Variants in PRKAG2 observed in about 807,000 individuals in gnomAD.
PRKAG2 encodes protein kinase AMP-activated non-catalytic subunit gamma 2, also known as 5'-AMP-activated protein kinase subunit gamma-2.
Under a neutral mutation model 69.6 loss-of-function variants are expected in PRKAG2, and 26 were observed. That is an observed-to-expected ratio of 0.37 (90% CI 0.27 to 0.52). The LOEUF is 0.52. Among genes scored for constraint, PRKAG2 ranks in the 20% least tolerant of loss-of-function variants. PRKAG2 has a pLI of 0.90. For missense variants in PRKAG2, 557 were observed against 740.0 expected, an observed-to-expected ratio of 0.75 and a Z score of 2.87; for synonymous variants, 293 against 285.0, an observed-to-expected ratio of 1.03 and a Z score of -0.28.
rs1804515056 is a variant in PRKAG2, at chr7:151,559,821, G to C, written c.1678+703C>G. The C allele has an allele frequency of 1.2e-5, 12 of 985,216 alleles. No individual in the cohort carries two copies. The South Asian group carries it at 5.2e-4, about 42-fold the overall frequency. 61.0% of individuals were successfully genotyped at this position (985,216 alleles called of 1,614,324 possible). ...AGGCTGGGTTGTTCATATTTGACTG[G>C]GGCTGGGGAGGTGGAGGGATGGGAA... On this transcript the variant is annotated intron_variant, in intron 15 of 15. Coordinates refer to ENST00000287878, the MANE Select transcript of PRKAG2 (RefSeq NM_016203.4).
chr7:151,629,957 A>T (rs1411252002), intron 5 of PRKAG2, among the ~76,000 whole-genome samples: 3 of 152,238 alleles, frequency 2.0e-5, no homozygotes, highest in African/African-American at 7.2e-5. Context: ...TGGATGAATA[A>T]GCAATTTAAA....
At chr7:151,671,672 CAG>C (rs1340468753) in intron 4 of PRKAG2, among the ~76,000 whole-genome samples, 1 of 152,212 alleles carries the variant, frequency 6.6e-6, no homozygotes, top group African/African-American at 2.4e-5. Flanking sequence ...TATTTGGAAG[CAG>C]AGTCTTTGCT....
intron 3 of PRKAG2, among the ~76,000 whole-genome samples, chr7:151,703,251 A>C (rs888158607): frequency 6.6e-6 from 1 of 152,368 alleles, no homozygotes; most frequent in Admixed American, 6.5e-5. Flanking sequence ...GGCACCCTGC[A>C]AAGGACTGCG....
chr7:151,610,956 T>C (rs1314958141), intron 5 of PRKAG2, among the ~76,000 whole-genome samples: 2 of 151,862 alleles, frequency 1.3e-5, no homozygotes, highest in South Asian at 2.1e-4. Flanking sequence ...GGTTTCACCA[T>C]GTTGGCCAGG....
chr7:151,834,764 C>A (rs1395138408), intron 1 of PRKAG2, among the ~76,000 whole-genome samples: 2 of 152,236 alleles, frequency 1.3e-5, no homozygotes, highest in Non-Finnish European at 2.9e-5. Flanking sequence ...CCCTCCCCAT[C>A]GCTGTGGGTG....
rs2151802241 is a variant in PRKAG2 at position 151,780,749 on chromosome 7, C to G, written c.466+403G>C. Among the ~76,000 whole-genome samples the G allele has an allele frequency of 6.6e-6, 1 of 152,276 alleles. No individual in the cohort carries two copies. Among genetic ancestry groups the G allele is most frequent in the Non-Finnish European group, 1.5e-5 (1 of 68,034 alleles). ...AAACCACAGAGAGTGGAAGCCATATCAGGCTGACCAAAGCAGTATGGTCCC... is the reference window on the plus strand; with the variant it reads ...AAACCACAGAGAGTGGAAGCCATATGAGGCTGACCAAAGCAGTATGGTCCC... On this transcript the variant is annotated intron_variant, in intron 3 of 15. Coordinates refer to ENST00000287878, the MANE Select transcript of PRKAG2 (RefSeq NM_016203.4). The surrounding 1 kb of genome is among the most constrained non-coding windows in gnomAD (Gnocchi z 4.2).
At chr7:151,616,270 G>A (rs931742231) in intron 5 of PRKAG2, among the ~76,000 whole-genome samples, 1 of 152,120 alleles carries the variant, frequency 6.6e-6, no homozygotes, top group African/African-American at 2.4e-5. Flanking sequence ...GGAAGCAGGT[G>A]CACATGCATG....
chr7:151,585,332 C>T (rs1051380524), intron 6 of PRKAG2, among the ~76,000 whole-genome samples: 9 of 152,264 alleles, frequency 5.9e-5, no homozygotes, highest in East Asian at 1.9e-4. Context: ...TTTGGTTCAA[C>T]GGCTCAACAG....
chr7:151,671,379 G>A (rs1832016595), intron 4 of PRKAG2, among the ~76,000 whole-genome samples: 1 of 152,148 alleles, frequency 6.6e-6, no homozygotes, highest in Non-Finnish European at 1.5e-5. Flanking sequence ...AAGTCTTTAA[G>A]TAACTCACAT....
intron 5 of PRKAG2, among the ~76,000 whole-genome samples, chr7:151,602,352 T>C (rs908970386): frequency 1.3e-5 from 2 of 152,212 alleles, no homozygotes. Flanking sequence ...TGTTCATTCA[T>C]TAAATCAAGA....
chr7:151,640,694 G>C (rs143995506), intron 4 of PRKAG2, among the ~76,000 whole-genome samples: 1 of 150,648 alleles, frequency 6.6e-6, no homozygotes, highest in Non-Finnish European at 1.5e-5. Flanking sequence ...CCCGATTCAC[G>C]ACCTTTTCTC....
At chr7:151,596,044 G>GA (rs141255317) in intron 5 of PRKAG2, among the ~76,000 whole-genome samples, 21 of 151,636 alleles carry the variant, frequency 1.4e-4, no homozygotes, top group Admixed American at 1.3e-4. Flanking sequence ...AAATAAAGGG[G>GA]AAAAAAAAGA....
Position 151,876,725 on chromosome 7 carries a change from C to A in PRKAG2, c.-105G>T. ...ACTGGAGCCGCGCGCTCTGTTACAC[C>A]CTGAAGCCACCTCGTGGGGACTTCC... On this transcript the variant is annotated 5_prime_UTR_variant, in exon 1 of 16. Transcript: ENST00000287878. The A allele has an allele frequency of 9.3e-7, 1 of 1,071,096 alleles. No homozygotes were observed. The highest frequency in any genetic ancestry group is 1.4e-6 in the Non-Finnish European group (1 of 718,558). 66.3% of individuals were successfully genotyped at this position (1,071,096 alleles called of 1,614,324 possible).
At chr7:151,722,568 T>C (rs1346815015) in intron 3 of PRKAG2, among the ~76,000 whole-genome samples, 2 of 152,120 alleles carry the variant, frequency 1.3e-5, no homozygotes, top group Admixed American at 1.3e-4. Flanking sequence ...GATAAAGGAA[T>C]GCTAGACTTT....
chr7:151,726,801 G>A (rs1798054900), intron 3 of PRKAG2, among the ~76,000 whole-genome samples: 1 of 152,158 alleles, frequency 6.6e-6, no homozygotes, highest in South Asian at 2.1e-4. Flanking sequence ...CTACACAAGG[G>A]TGTTCAGTTT....
intron 6 of PRKAG2, 26 bp from the exon 7 acceptor site, chr7:151,576,478 C>A: frequency 6.5e-7 from 1 of 1,536,446 alleles, no homozygotes; most frequent in Non-Finnish European, 9.0e-7. Flanking sequence ...AGAAACAAAA[C>A]ATACTTTCAA....
At chr7:151,644,847 G>T (rs890649861) in intron 4 of PRKAG2, among the ~76,000 whole-genome samples, 1 of 152,146 alleles carries the variant, frequency 6.6e-6, no homozygotes, top group East Asian at 1.9e-4. Context: ...GCTTGGTATG[G>T]TCTCTTAACA....
rs1315022981 is a variant in PRKAG2 at position 151,590,878 on chromosome 7, T to G, written c.864+4467A>C. ...TTATGAGAAATTGTTCATTAACATT[T>G]TGTGCACGCAGCCGGCAGTGGCTCT... On this transcript the variant is annotated intron_variant, in intron 6 of 15. Coordinates refer to ENST00000287878, the MANE Select transcript of PRKAG2 (RefSeq NM_016203.4). Among the ~76,000 whole-genome samples the G allele has an allele frequency of 3.3e-5, 5 of 152,244 alleles. No individual in the cohort carries two copies. In the East Asian group the frequency reaches 9.6e-4, roughly 29 times the overall value.
Position 151,785,023 on chromosome 7 carries a change from C to G in PRKAG2, c.186+1447G>C, listed in dbSNP as rs77060504. 9.9e-3 allele frequency among the ~76,000 whole-genome samples: 1,514 copies of G among 152,356 alleles called. 24 individuals carry two copies. The highest frequency in any genetic ancestry group is 0.034 in the African/African-American group (1,413 of 41,572). On this transcript the variant is annotated intron_variant, in intron 2 of 15. Coordinates refer to ENST00000287878, the MANE Select transcript of PRKAG2 (RefSeq NM_016203.4). ...GCTGAAGCCACCAGGGACAGGGCCT[C>G]AGGCCTTGCTCTTGGGCAAGCTATA...
Sources: allele counts gnomAD v4.1 joint callset (sites outside exome capture counted in the v4.1 genomes callset), GRCh38; gene constraint gnomAD v4.1.1; non-coding constraint Gnocchi (gnomAD v3.1); transcripts MANE v1.5; gene names NCBI Gene and HGNC (gene_info 2026-07-23, HGNC 2026-07-21).